BTRC: variants seen among roughly 807,000 people sequenced by gnomAD.
BTRC encodes the protein beta-transducin repeat containing E3 ubiquitin protein ligase.
BTRC carries 42 observed loss-of-function variants against 85.5 expected under a neutral mutation model. That is an observed-to-expected ratio of 0.49 (90% confidence interval 0.38 to 0.64). BTRC has a LOEUF of 0.64. Among genes scored for constraint, BTRC ranks in the 30% least tolerant of loss-of-function variants. The pLI is 0.00. For missense variants in BTRC, 594 were observed against 743.5 expected (o/e 0.80, Z 2.34); for synonymous variants, 255 against 263.3 (o/e 0.97, Z 0.30).
At chr10:101,354,767 T>C (rs1367668673) in intron 1 of BTRC, among the ~76,000 whole-genome samples, 2 of 151,882 alleles carry the variant, frequency 1.3e-5, no homozygotes, top group African/African-American at 4.8e-5. Flanking sequence ...GCTTATAGTT[T>C]TGTAGAATGA....
intron 1 of BTRC, among the ~76,000 whole-genome samples, chr10:101,390,074 T>C (rs1943197440): frequency 6.6e-6 from 1 of 152,186 alleles, no homozygotes; most frequent in South Asian, 2.1e-4. Flanking sequence ...TCCTTATTTG[T>C]CTATTATTTC....
At chr10:101,507,247 A>AGT (rs1946566412) in intron 4 of BTRC, among the ~76,000 whole-genome samples, 1 of 152,192 alleles carries the variant, frequency 6.6e-6, no homozygotes, top group Admixed American at 6.5e-5. Flanking sequence ...ACACGCAACC[A>AGT]GTAATAAGCT....
In BTRC at chr10:101,556,926, T is replaced by TC. The variant is rs963279100; in HGVS notation, c.*3807dup. ...TTAAGTCGTATTTTAAAGTGTTACC[T>TC]CCCCTCCTAACCCTTCCCCTTCTTG... On this transcript the variant is annotated 3_prime_UTR_variant, in exon 15 of 15. Transcript: ENST00000370187. 2 of 152,160 alleles carry TC rather than the reference T, an allele frequency of 1.3e-5. No individual in the cohort carries two copies. Among genetic ancestry groups the TC allele is most frequent in the African/African-American group, 4.8e-5 (2 of 41,412 alleles). The allele number at this position is 152,160 out of a possible 1,614,324, so 9.4% of individuals were successfully genotyped here. A position where few individuals can be genotyped will look rare whatever the true frequency, so the allele number is the denominator to read the frequency against.
intron 4 of BTRC, among the ~76,000 whole-genome samples, chr10:101,491,589 C>T (rs957055945): frequency 3.3e-5 from 5 of 151,696 alleles, no homozygotes; most frequent in Non-Finnish European, 7.4e-5. Flanking sequence ...CCCAGCTGCT[C>T]AGGAGGCTGA....
At chr10:101,393,502 G>A (rs1181328856) in intron 1 of BTRC, among the ~76,000 whole-genome samples, 2 of 152,136 alleles carry the variant, frequency 1.3e-5, no homozygotes, top group Non-Finnish European at 2.9e-5. Flanking sequence ...ATAAGTCATA[G>A]CAGTTAACAA....
At chr10:101,511,510 C>T (rs1443906861) in intron 4 of BTRC, among the ~76,000 whole-genome samples, 2 of 152,028 alleles carry the variant, frequency 1.3e-5, no homozygotes, top group South Asian at 2.1e-4. Context: ...CACATGTGCG[C>T]ACCACCATGC....
chr10:101,391,263 T>A (rs1564744068), intron 1 of BTRC, among the ~76,000 whole-genome samples: 1 of 152,344 alleles, frequency 6.6e-6, no homozygotes, highest in East Asian at 1.9e-4. Flanking sequence ...AGAAAAGGAA[T>A]TCTCTAAATA....
At chr10:101,480,544 T>G (rs1191198050) in intron 4 of BTRC, among the ~76,000 whole-genome samples, 3 of 152,196 alleles carry the variant, frequency 2.0e-5, no homozygotes, top group Non-Finnish European at 4.4e-5. Context: ...TAGCTAGATA[T>G]CCGAGGTCTC....
At chr10:101,403,843 C>A (rs1024155088) in intron 1 of BTRC, among the ~76,000 whole-genome samples, 3 of 151,692 alleles carry the variant, frequency 2.0e-5, no homozygotes, top group African/African-American at 7.3e-5. Context: ...AATCCTCCTG[C>A]CTTGGCTTCC....
chr10:101,492,428 G>A lies in BTRC; in HGVS notation c.324+12971G>A, dbSNP rs570451624. Reference sequence around the variant, plus strand: ...GAATATGCCACTTGTGGATTAATGGGCAACCTAAAGAGTGCTTTTATTTAC... The same window carrying A: ...GAATATGCCACTTGTGGATTAATGGACAACCTAAAGAGTGCTTTTATTTAC... On this transcript the variant is annotated intron_variant, in intron 4 of 14. Coordinates refer to ENST00000370187, the MANE Select transcript of BTRC (RefSeq NM_033637.4). 2.0e-4 allele frequency among the ~76,000 whole-genome samples: 30 copies of A among 152,224 alleles called. 1 individual carries two copies. The South Asian group carries it at 5.6e-3, about 28-fold the overall frequency.
At chr10:101,532,801 C>CGCGCGT in intron 8 of BTRC, 151 bp from the exon 9 acceptor site, 1 of 605,970 alleles carries the variant, frequency 1.7e-6, no homozygotes, top group South Asian at 2.0e-5. Context: ...CGCGTGTGCG[C>CGCGCGT]GCGCGCGCGC....
chr10:101,418,998 T>G (rs1216269617), intron 1 of BTRC, among the ~76,000 whole-genome samples: 1 of 151,668 alleles, frequency 6.6e-6, no homozygotes, highest in Non-Finnish European at 1.5e-5. Context: ...TCACAGTTTC[T>G]TTTCTTTCTT....
chr10:101,363,974 A>G (rs1942291051), intron 1 of BTRC, among the ~76,000 whole-genome samples: 1 of 152,160 alleles, frequency 6.6e-6, no homozygotes, highest in Non-Finnish European at 1.5e-5. Flanking sequence ...TTCTCTTGAA[A>G]TTGTGGGTTT....
chr10:101,375,943 G>C (rs994239150), intron 1 of BTRC, among the ~76,000 whole-genome samples: 2 of 152,208 alleles, frequency 1.3e-5, no homozygotes, highest in Admixed American at 1.3e-4. Flanking sequence ...CAGGGGAAGT[G>C]GGGGAAATGA....
rs1010899562 is a variant in BTRC at position 101,512,941 on chromosome 10, T to C, written c.325-8698T>C. On this transcript the variant is annotated intron_variant, in intron 4 of 14. Transcript: ENST00000370187. ...CTGTTTGTCAGCTTTCCAAGACACT[T>C]GAACAGTAGTGGTTGAGTCATCAGG... is the stretch of plus-strand genomic sequence containing the variant. 4.6e-5 allele frequency among the ~76,000 whole-genome samples: 7 copies of C among 152,346 alleles called. No homozygotes were observed. In the Middle Eastern group the frequency reaches 0.014, roughly 296 times the overall value.
At chr10:101,444,469 A>T (rs1944771141) in intron 2 of BTRC, among the ~76,000 whole-genome samples, 1 of 152,184 alleles carries the variant, frequency 6.6e-6, no homozygotes. Flanking sequence ...TGATATAAAA[A>T]TTCATAGAAA....
intron 11 of BTRC, among the ~76,000 whole-genome samples, chr10:101,535,940 G>A (rs1363278450): frequency 6.6e-6 from 1 of 152,174 alleles, no homozygotes; most frequent in Non-Finnish European, 1.5e-5. Flanking sequence ...TCCCTTCAGT[G>A]AAGTATTAAA....
chr10:101,419,663 A>T (rs763487416), intron 1 of BTRC, among the ~76,000 whole-genome samples: 78 of 152,298 alleles, frequency 5.1e-4, no homozygotes, highest in Non-Finnish European at 1.1e-3. Flanking sequence ...TCTTAACCTA[A>T]TTAGGAAAAT....
intron 13 of BTRC, among the ~76,000 whole-genome samples, chr10:101,542,423 A>G (rs894807649): frequency 1.8e-4 from 27 of 152,316 alleles, no homozygotes; most frequent in African/African-American, 4.8e-5. Context: ...AAAAATGTCA[A>G]TTAAGTCAAG....
Sources: gnomAD v4.1 joint callset for allele counts (sites outside exome capture counted in the v4.1 genomes callset) on GRCh38, gnomAD v4.1.1 for gene constraint, MANE v1.5 for transcripts, NCBI Gene and HGNC (gene_info 2026-07-23, HGNC 2026-07-21) for gene names.